EFCAB8: variants seen among roughly 807,000 people sequenced by gnomAD.
EFCAB8 encodes the protein EF-hand calcium binding domain 8, also known as EF-hand calcium-binding domain-containing protein 8.
A neutral mutation model predicts 116.3 loss-of-function variants in EFCAB8; 100 were observed. The observed-to-expected ratio is 0.86, with a 90% CI of 0.73 to 1.02. The LOEUF is 1.02. Among genes scored for constraint, EFCAB8 ranks in the 50% least tolerant of loss-of-function variants. The pLI is 0.00. For missense variants in EFCAB8, 1,320 were observed against 1,416.9 expected, an observed-to-expected ratio of 0.93 and a Z score of 1.10; for synonymous variants, 558 against 567.9, an observed-to-expected ratio of 0.98 and a Z score of 0.25.
intron 21 of EFCAB8, 108 bp from the exon 22 acceptor site, chr20:32,931,070 G>A (rs997682609): frequency 2.0e-5 from 19 of 959,838 alleles, no homozygotes; most frequent in Non-Finnish European, 2.9e-5. Context: ...AGTAAGAACT[G>A]CCCCCCACCC....
intron 20 of EFCAB8, among the ~76,000 whole-genome samples, chr20:32,925,023 A>C (rs1987617358): frequency 1.3e-5 from 2 of 152,014 alleles, no homozygotes; most frequent in Admixed American, 1.3e-4. Flanking sequence ...CCTTAGTGGA[A>C]GAGAGGCTTG....
intron 21 of EFCAB8, 81 bp downstream of exon 21, chr20:32,930,697 C>A: frequency 7.7e-7 from 1 of 1,303,154 alleles, no homozygotes; most frequent in Non-Finnish European, 1.1e-6. Flanking sequence ...TGGCCCTTGC[C>A]TAGTTCCTAC....
Position 32,935,188 on chromosome 20 carries a change from C to CTTTTTTTTTTTTTTTTTTTT in EFCAB8, c.2790+3855_2790+3856insTTTTTTTTTTTTTTTTTTTT, listed in dbSNP as rs754022404. Among the ~76,000 whole-genome samples, 24 of 66,898 alleles carry CTTTTTTTTTTTTTTTTTTTT rather than the reference C, an allele frequency of 3.6e-4. 1 individual carries two copies. The highest frequency in any genetic ancestry group is 9.3e-4 in the African/African-American group (12 of 12,960). The allele number at this position is 66,898 out of a possible 152,430, so 43.9% of individuals were successfully genotyped here. ...TCTCTTCTCTTTTCTTTCTTTCTTT[C>CTTTTTTTTTTTTTTTTTTTT]TTTCTTTTTTTTTTTTTTTTTTTTT... On this transcript the variant is annotated intron_variant, in intron 22 of 26. Coordinates refer to ENST00000400522, the MANE Select transcript of EFCAB8 (RefSeq NM_001143967.2).
chr20:32,916,495 A>G (rs917122435), intron 17 of EFCAB8, among the ~76,000 whole-genome samples: 2 of 151,952 alleles, frequency 1.3e-5, no homozygotes, highest in Non-Finnish European at 1.5e-5. Context: ...CTGGCCTCAA[A>G]CGATTTTCCT....
intron 15 of EFCAB8, 72 bp downstream of exon 15, chr20:32,910,003 T>A (rs544272921): frequency 3.5e-5 from 26 of 746,080 alleles, no homozygotes; most frequent in Non-Finnish European, 4.9e-5. Flanking sequence ...CAGACCTCCC[T>A]GTGTGCCTGG....
intron 3 of EFCAB8, among the ~76,000 whole-genome samples, chr20:32,871,256 AT>A (rs1303695213): frequency 6.6e-6 from 1 of 151,082 alleles, no homozygotes; most frequent in Admixed American, 6.6e-5. Flanking sequence ...CTTTGCTTTT[AT>A]TTTTTTTAAT....
rs576671498 is a variant in EFCAB8 at position 32,927,469 on chromosome 20, C to T, written c.2413-2929C>T. Among the ~76,000 whole-genome samples, 11 of 152,186 alleles carry T rather than the reference C, an allele frequency of 7.2e-5. No homozygotes were observed. In the East Asian group the frequency reaches 9.7e-4, roughly 13 times the overall value. ...CAGCAATTCTTCTGCCTCAGCCTCC[C>T]GAGTAGCTGGGATTAAAGGTGCCCG... On this transcript the variant is annotated intron_variant, in intron 20 of 26. Coordinates refer to ENST00000400522, the MANE Select transcript of EFCAB8 (RefSeq NM_001143967.2).
At chr20:32,940,813 A>G (rs1336104327) in intron 22 of EFCAB8, among the ~76,000 whole-genome samples, 3 of 150,150 alleles carry the variant, frequency 2.0e-5, no homozygotes, top group Non-Finnish European at 4.4e-5. Context: ...AGTATATTAA[A>G]TGATGGTGAA....
At chr20:32,884,861 T>C (rs957888042) in intron 5 of EFCAB8, among the ~76,000 whole-genome samples, 3 of 152,152 alleles carry the variant, frequency 2.0e-5, no homozygotes, top group Non-Finnish European at 2.9e-5. Context: ...AATGGCCAGA[T>C]AGCTGGCTTA....
At chr20:32,877,797 C>T (rs1000344107) in intron 4 of EFCAB8, among the ~76,000 whole-genome samples, 25 of 152,164 alleles carry the variant, frequency 1.6e-4, no homozygotes, top group African/African-American at 6.0e-4. Flanking sequence ...TGAGCATGGG[C>T]ATCTCACATC....
In EFCAB8 at chr20:32,947,379, A is replaced by C. The variant is rs530615145; in HGVS notation, c.2959+3575A>C. ...AAACAATTTTACTTAATTAACATTT[A>C]TAGATCATTCATAAACAAACATTAT... is the stretch of plus-strand genomic sequence containing the variant. On this transcript the variant is annotated intron_variant, in intron 23 of 26. Transcript: ENST00000400522. Among the ~76,000 whole-genome samples the C allele has an allele frequency of 1.5e-3, 228 of 152,380 alleles. 1 individual carries two copies. The highest frequency in any genetic ancestry group is 5.1e-3 in the African/African-American group (211 of 41,600).
chr20:32,867,030 G>A (rs1198460416), intron 2 of EFCAB8, among the ~76,000 whole-genome samples: 3 of 151,842 alleles, frequency 2.0e-5, no homozygotes, highest in Non-Finnish European at 4.4e-5. Context: ...TGATTCTCCT[G>A]CCTCAGCCTC....
intron 23 of EFCAB8, among the ~76,000 whole-genome samples, chr20:32,952,894 T>C (rs1310216528): frequency 6.6e-6 from 1 of 152,234 alleles, no homozygotes; most frequent in Admixed American, 6.5e-5. Flanking sequence ...GTTAAGTATA[T>C]TCACATTGTT....
At chr20:32,871,785 A>G (rs1432195683) in intron 3 of EFCAB8, among the ~76,000 whole-genome samples, 2 of 152,148 alleles carry the variant, frequency 1.3e-5, no homozygotes, top group Admixed American at 1.3e-4. Flanking sequence ...GGGACATGCC[A>G]GTGTCCTTCT....
intron 3 of EFCAB8, among the ~76,000 whole-genome samples, chr20:32,871,544 A>C (rs1700435560): frequency 6.6e-6 from 1 of 152,052 alleles, no homozygotes; most frequent in Non-Finnish European, 1.5e-5. Flanking sequence ...TTTTTACTGA[A>C]TGTATCTTGC....
chr20:32,956,976 G>T (rs1600472896), intron 23 of EFCAB8, among the ~76,000 whole-genome samples: 6 of 127,554 alleles, frequency 4.7e-5, no homozygotes, highest in Admixed American at 1.6e-4. Flanking sequence ...TTCAATCTCT[G>T]AATTCCAGAT....
intron 23 of EFCAB8, among the ~76,000 whole-genome samples, chr20:32,953,186 G>GTA (rs1287306109): frequency 6.6e-6 from 1 of 152,018 alleles, no homozygotes; most frequent in Non-Finnish European, 1.5e-5. Context: ...ATATTTCATT[G>GTA]TATATATATG....
At position 32,943,807 on chromosome 20, in the gene EFCAB8, A is replaced by G. The variant is rs1472030277; in HGVS notation, c.2959+3A>G. 2.4e-6 allele frequency: 1 copy of G among 416,782 alleles called. No homozygotes were observed. Among genetic ancestry groups the G allele is most frequent in the East Asian group, 3.6e-5 (1 of 28,070 alleles). 25.8% of individuals were successfully genotyped at this position (416,782 alleles called of 1,614,324 possible). On this transcript the variant is annotated splice_donor_region_variant and intron_variant, in intron 23 of 26. Transcript: ENST00000400522. ...GAAACTCTCCGGTGATGCCATTGGT[A>G]TGGGTCCTGCTGAAGCTCAGCCATG...
intron 23 of EFCAB8, among the ~76,000 whole-genome samples, chr20:32,948,581 A>T: frequency 7.0e-6 from 1 of 142,752 alleles, no homozygotes; most frequent in East Asian, 2.1e-4. Context: ...AGAAAGAAAG[A>T]AAAGAAAGGA....
Sources: allele counts gnomAD v4.1 joint callset (sites outside exome capture counted in the v4.1 genomes callset), GRCh38; gene constraint gnomAD v4.1.1; transcripts MANE v1.5; gene names NCBI Gene and HGNC (gene_info 2026-07-23, HGNC 2026-07-21).